MEI1: variants seen among roughly 807,000 people sequenced by gnomAD.
MEI1 encodes the protein meiosis inhibitor protein 1.
A neutral mutation model predicts 146.2 loss-of-function variants in MEI1; 103 were observed. That is an observed-to-expected ratio of 0.70 (90% confidence interval 0.60 to 0.83). The LOEUF is 0.83. Among genes scored for constraint, MEI1 ranks in the 40% least tolerant of loss-of-function variants. MEI1 has a pLI of 0.00. For synonymous variants in MEI1, 652 were observed against 628.2 expected (o/e 1.04, Z -0.57); for missense variants, 1,529 against 1,533.0 (o/e 1.00, Z 0.04).
intron 13 of MEI1, 105 bp from the exon 14 acceptor site, chr22:41,745,780 C>T: frequency 8.6e-7 from 1 of 1,158,226 alleles, no homozygotes; most frequent in Non-Finnish European, 1.2e-6. Context: ...GAGATACTTT[C>T]CCTGGACCCT....
rs2070122478 is a variant in MEI1 at position 41,716,095 on chromosome 22, A to C, written c.478A>C (p.Lys160Gln). 6.2e-7 allele frequency: 1 copy of C among 1,611,972 alleles called. No individual in the cohort carries two copies. Among genetic ancestry groups the C allele is most frequent in the Non-Finnish European group, 8.5e-7 (1 of 1,179,184 alleles). Residue 160 changes from lysine to glutamine, a missense_variant, in exon 5 of 31, where the codon AAG becomes CAG. Physicochemically the swap from Lys to Gln is moderately conservative, Grantham distance 53 (BLOSUM62 1). Coordinates refer to ENST00000401548, the MANE Select transcript of MEI1 (RefSeq NM_152513.4). ...GSLATLTLLG[K>Q]LVDAIPALAD... ...CCTGGCCACCCTGACCCTTCTTGGC[A>C]AGTTGGTGGATGCCATCCCTGCTCT...
At chr22:41,782,090 G>T (rs1268551049) in intron 24 of MEI1, among the ~76,000 whole-genome samples, 1 of 152,118 alleles carries the variant, frequency 6.6e-6, no homozygotes, top group South Asian at 2.1e-4. Context: ...TCTATTCTTG[G>T]CACAGAGGAA....
chr22:41,705,441 G>C, intron 2 of MEI1, 63 bp from the exon 3 acceptor site: 1 of 1,412,896 alleles, frequency 7.1e-7, no homozygotes, highest in African/African-American at 1.4e-5. Flanking sequence ...AAATTGCTGG[G>C]GTACAGATGT....
At chr22:41,774,982 A>G (rs2075367635) in intron 20 of MEI1, among the ~76,000 whole-genome samples, 1 of 152,150 alleles carries the variant, frequency 6.6e-6, no homozygotes, top group African/African-American at 2.4e-5. Context: ...TCTGTGTGTC[A>G]GTAGCTGTCC....
intron 24 of MEI1, 74 bp from the exon 25 acceptor site, chr22:41,784,265 G>T: frequency 1.5e-6 from 2 of 1,364,156 alleles, no homozygotes; most frequent in Admixed American, 3.4e-5. Flanking sequence ...TGATAGAAGA[G>T]ATTTTCAGGC....
intron 13 of MEI1, 40 bp downstream of exon 13, chr22:41,745,104 G>T (rs2073188189): frequency 7.2e-7 from 1 of 1,396,274 alleles, no homozygotes; most frequent in African/African-American, 1.5e-5. Context: ...AGCATGGAAG[G>T]TAGGGGTGGA....
intron 23 of MEI1, 61 bp from the exon 24 acceptor site, chr22:41,781,624 T>C: frequency 1.9e-6 from 3 of 1,574,386 alleles, no homozygotes; most frequent in Admixed American, 1.7e-5. Flanking sequence ...AGCACCATAG[T>C]GGCACTTAGC....
rs566567928 is a variant in MEI1 at position 41,738,131 on chromosome 22, A to G, written c.1332-4949A>G. Among the ~76,000 whole-genome samples the G allele has an allele frequency of 3.3e-5, 5 of 151,838 alleles. No individual in the cohort carries two copies. The East Asian group carries it at 7.8e-4, about 24-fold the overall frequency. ...AGCGTTTGAGACTAGCCTGGACAAC[A>G]TAGCGCCACCCCATCCCTACAAAAC... On this transcript the variant is annotated intron_variant, in intron 11 of 30. Coordinates refer to ENST00000401548, the MANE Select transcript of MEI1 (RefSeq NM_152513.4).
chr22:41,781,437 CTG>C (rs1455628074), intron 23 of MEI1, 43 bp downstream of exon 23: 6 of 1,458,790 alleles, frequency 4.1e-6, no homozygotes, highest in African/African-American at 2.8e-5. Flanking sequence ...GCTGGGCAGT[CTG>C]TGGTCCTCTG....
chr22:41,791,149 CTG>C (rs1250133682), intron 26 of MEI1, among the ~76,000 whole-genome samples: 1 of 152,162 alleles, frequency 6.6e-6, no homozygotes, highest in Non-Finnish European at 1.5e-5. Context: ...CTAAGAATCA[CTG>C]TGCGAACTGT....
intron 26 of MEI1, among the ~76,000 whole-genome samples, chr22:41,790,259 T>C (rs1335727066): frequency 2.6e-5 from 4 of 152,152 alleles, no homozygotes; most frequent in Non-Finnish European, 5.9e-5. Flanking sequence ...ATTTTTTGTA[T>C]GTTTAGTAGA....
chr22:41,722,114 CCTT>C (rs1246890993), intron 6 of MEI1: 2 of 151,344 alleles, frequency 1.3e-5, no homozygotes, highest in South Asian at 2.1e-4. Context: ...GGAGTGCTAA[CCTT>C]CTTTCAGACA....
intron 30 of MEI1, among the ~76,000 whole-genome samples, chr22:41,798,299 G>A (rs1187183078): frequency 2.0e-5 from 3 of 152,106 alleles, no homozygotes; most frequent in Non-Finnish European, 4.4e-5. Flanking sequence ...TTGGATGGCC[G>A]GGTGCAGTGG....
At chr22:41,745,360 A>G (rs1332654451) in intron 13 of MEI1, among the ~76,000 whole-genome samples, 3 of 152,162 alleles carry the variant, frequency 2.0e-5, no homozygotes, top group African/African-American at 7.2e-5. Context: ...CACTACAGGT[A>G]TTCACTGAAT....
At position 41,718,018 on chromosome 22, in the gene MEI1, T is replaced by C. The variant is rs561925099; in HGVS notation, c.530-53T>C. On this transcript the variant is annotated intron_variant, in intron 5 of 30. Coordinates refer to ENST00000401548, the MANE Select transcript of MEI1 (RefSeq NM_152513.4). ...AGGAATAATAGATTGGAGTTTCATATAGCAGTTGACATTGTGAAATTTCCC... is the reference window on the plus strand; with the variant it reads ...AGGAATAATAGATTGGAGTTTCATACAGCAGTTGACATTGTGAAATTTCCC... The C allele has an allele frequency of 6.9e-5, 95 of 1,371,994 alleles. 2 individuals are homozygous for C. The South Asian group carries it at 1.1e-3, about 16-fold the overall frequency. 85.0% of individuals were successfully genotyped at this position (1,371,994 alleles called of 1,614,324 possible).
intron 5 of MEI1, among the ~76,000 whole-genome samples, chr22:41,717,623 T>C (rs1243047414): frequency 3.3e-5 from 5 of 150,754 alleles, no homozygotes; most frequent in Non-Finnish European, 5.9e-5. Context: ...CTTTTCTTTT[T>C]TTTTTTTTTT....
chr22:41,778,357 G>A (rs1001651446), intron 21 of MEI1, among the ~76,000 whole-genome samples: 8 of 152,148 alleles, frequency 5.3e-5, no homozygotes, highest in African/African-American at 1.7e-4. Context: ...TCAGACCACA[G>A]CATCCTGCCA....
rs1040710131 is a variant in MEI1, at chr22:41,754,054, G to A, written c.1951+8G>A. On this transcript the variant is annotated splice_region_variant and intron_variant, in intron 17 of 30. Transcript: ENST00000401548. Reference sequence around the variant, plus strand: ...GACCACCTTCCAAAGAAGGTAAGATGCTACAATTTGACCACTCATGTGGCC... The same window carrying A: ...GACCACCTTCCAAAGAAGGTAAGATACTACAATTTGACCACTCATGTGGCC... 6.3e-7 allele frequency: 1 copy of A among 1,599,286 alleles called. No individual in the cohort carries two copies.
chr22:41,743,661 G>A (rs76198486), intron 12 of MEI1, among the ~76,000 whole-genome samples: 1,913 of 152,324 alleles, frequency 0.013, 15 homozygotes, highest in Middle Eastern at 0.027. Flanking sequence ...GACACTGTCA[G>A]TGTGAATGTT....
Sources: gnomAD v4.1 joint callset for allele counts (sites outside exome capture counted in the v4.1 genomes callset) on GRCh38, gnomAD v4.1.1 for gene constraint, MANE v1.5 for transcripts, NCBI Gene and HGNC (gene_info 2026-07-23, HGNC 2026-07-21) for gene names.